The following LRP1B variants were observed in gnomAD, a reference collection of about 807,000 sequenced individuals.
LRP1B encodes LDL receptor related protein 1B, also known as low-density lipoprotein receptor-related protein 1B.
In LRP1B, 217 loss-of-function variants were observed where a neutral mutation model predicts 556.6. The observed-to-expected ratio is 0.39, with a 90% CI of 0.35 to 0.44. The LOEUF is 0.44. Ranked by LOEUF, LRP1B falls within the 20% of genes least tolerant of loss-of-function variation. The pLI, the probability that LRP1B is intolerant of heterozygous loss-of-function variation, is 1.00. For synonymous variants in LRP1B, 2,047 were observed against 1,865.8 expected (o/e 1.10, Z -2.50); for missense variants, 5,053 against 5,620.8 (o/e 0.90, Z 3.23).
intron 2 of LRP1B, among the ~76,000 whole-genome samples, chr2:141,601,679 T>A (rs1687749409): frequency 1.3e-5 from 2 of 151,318 alleles, no homozygotes. Flanking sequence ...ATTCCCACTC[T>A]GTCACCCAGT....
intron 3 of LRP1B, among the ~76,000 whole-genome samples, chr2:141,427,413 G>A (rs539026205): frequency 6.6e-6 from 1 of 152,248 alleles, no homozygotes; most frequent in East Asian, 1.9e-4. Flanking sequence ...GACAAGAATA[G>A]AAGAATATGA....
intron 3 of LRP1B, among the ~76,000 whole-genome samples, chr2:141,456,763 A>G (rs1183311829): frequency 6.6e-6 from 1 of 152,230 alleles, no homozygotes; most frequent in East Asian, 1.9e-4. Flanking sequence ...TCATAGCAAA[A>G]GTATTTCAAG....
chr2:140,985,842 T>G (rs141007882), intron 17 of LRP1B, among the ~76,000 whole-genome samples: 4,020 of 151,310 alleles, frequency 0.027, 80 homozygotes, highest in Non-Finnish European at 0.041. Context: ...CAAATCTTAT[T>G]TTTTTCTATA....
intron 20 of LRP1B, among the ~76,000 whole-genome samples, chr2:140,929,756 T>TCACACACACACACACACACACACACA (rs3063648): frequency 1.4e-5 from 2 of 139,236 alleles, no homozygotes; most frequent in Non-Finnish European, 3.1e-5. Flanking sequence ...TCATATAGAC[T>TCACACACACACACACACACACACACA]CACACACACA....
At chr2:142,050,060 T>C (rs1362023308) in intron 1 of LRP1B, among the ~76,000 whole-genome samples, 1 of 152,166 alleles carries the variant, frequency 6.6e-6, no homozygotes, top group Admixed American at 6.5e-5. Context: ...AGCTTTCAAA[T>C]TAGTTGCTTG....
chr2:140,991,881 C>A (rs894072204), intron 16 of LRP1B, among the ~76,000 whole-genome samples: 1 of 151,936 alleles, frequency 6.6e-6, no homozygotes, highest in Non-Finnish European at 1.5e-5. Context: ...TAAATGGATG[C>A]ATAATAGACT....
chr2:141,566,598 T>A (rs1686339359), intron 2 of LRP1B, among the ~76,000 whole-genome samples: 1 of 152,210 alleles, frequency 6.6e-6, no homozygotes, highest in African/African-American at 2.4e-5. Flanking sequence ...AACGTGACTA[T>A]CTAATAAATA....
chr2:141,321,354 T>C (rs1427116841), intron 3 of LRP1B, among the ~76,000 whole-genome samples: 3 of 152,132 alleles, frequency 2.0e-5, no homozygotes, highest in Non-Finnish European at 4.4e-5. Context: ...TAAAACAATG[T>C]TATCAGAGCT....
chr2:140,472,563 C>T (rs898080272), intron 60 of LRP1B, among the ~76,000 whole-genome samples: 1 of 151,776 alleles, frequency 6.6e-6, no homozygotes, highest in Non-Finnish European at 1.5e-5. Flanking sequence ...TAGGGTAGAT[C>T]GGGGAGCAAA....
At chr2:140,929,683 T>G (rs1694990778) in intron 20 of LRP1B, among the ~76,000 whole-genome samples, 1 of 151,910 alleles carries the variant, frequency 6.6e-6, no homozygotes, top group Non-Finnish European at 1.5e-5. Flanking sequence ...CCTTCACATT[T>G]ATAAGGGTTT....
intron 3 of LRP1B, among the ~76,000 whole-genome samples, chr2:141,260,757 T>A (rs1684653163): frequency 6.6e-6 from 1 of 152,206 alleles, no homozygotes; most frequent in South Asian, 2.1e-4. Flanking sequence ...GCTTCCAGGT[T>A]ATGTTTTGGA....
intron 2 of LRP1B, among the ~76,000 whole-genome samples, chr2:141,794,486 C>G (rs967715798): frequency 6.6e-6 from 1 of 151,814 alleles, no homozygotes; most frequent in African/African-American, 2.4e-5. Context: ...CTACCTGAAG[C>G]AACTCTTCAG....
intron 79 of LRP1B, among the ~76,000 whole-genome samples, chr2:140,331,340 A>G (rs188344437): frequency 6.6e-6 from 1 of 152,204 alleles, no homozygotes; most frequent in African/African-American, 2.4e-5. Context: ...CATGGAACAC[A>G]TTGCTTACCT....
intron 83 of LRP1B, among the ~76,000 whole-genome samples, chr2:140,313,188 T>C (rs1233668717): frequency 6.6e-6 from 1 of 151,968 alleles, no homozygotes; most frequent in Non-Finnish European, 1.5e-5. Context: ...TATTAGATGC[T>C]ATAAAATAAA....
intron 43 of LRP1B, among the ~76,000 whole-genome samples, chr2:140,579,255 C>T (rs928774738): frequency 1.3e-5 from 2 of 152,136 alleles, no homozygotes; most frequent in East Asian, 3.9e-4. Flanking sequence ...TTTGCTTTCA[C>T]CTTCCCCAGA....
chr2:140,704,735 C>T (rs905525242), intron 37 of LRP1B, among the ~76,000 whole-genome samples: 1 of 152,122 alleles, frequency 6.6e-6, no homozygotes, highest in African/African-American at 2.4e-5. Context: ...CCAGGGCAGA[C>T]ATGTGCTTAC....
intron 27 of LRP1B, among the ~76,000 whole-genome samples, chr2:140,858,501 G>GGGGA (rs1692686638): frequency 7.1e-6 from 1 of 139,934 alleles, no homozygotes; most frequent in African/African-American, 2.6e-5. Context: ...TTATATATAT[G>GGGGA]GAGAGAGAGA....
At chr2:141,331,522 C>CTTTCTTTCTTT in intron 3 of LRP1B, among the ~76,000 whole-genome samples, 1 of 140,824 alleles carries the variant, frequency 7.1e-6, no homozygotes, top group African/African-American at 2.9e-5. Context: ...TTCTTTCTTT[C>CTTTCTTTCTTT]TCTTTCTTTC....
chr2:141,121,751 C>G (rs1256721895), intron 7 of LRP1B, among the ~76,000 whole-genome samples: 1 of 150,874 alleles, frequency 6.6e-6, no homozygotes, highest in African/African-American at 2.4e-5. Flanking sequence ...AAAAAAACTA[C>G]TTTAAAGTTC....
Sources: allele counts gnomAD v4.1 joint callset (sites outside exome capture counted in the v4.1 genomes callset), GRCh38; gene constraint gnomAD v4.1.1; transcripts MANE v1.5; gene names NCBI Gene and HGNC (gene_info 2026-07-23, HGNC 2026-07-21).